The following KCND3 variants were observed in gnomAD, a reference collection of about 807,000 sequenced individuals.
KCND3 encodes the protein A-type voltage-gated potassium channel KCND3.
In KCND3, 9 loss-of-function variants were observed where a neutral mutation model predicts 51.1. The ratio of observed to expected loss-of-function variants is 0.18; its 90% confidence interval spans 0.11 to 0.31. The LOEUF is 0.31. KCND3 is among the 10% of genes least tolerant of loss of function. The pLI is 1.00. For missense variants in KCND3, 526 were observed against 903.8 expected (o/e 0.58, Z 5.36); for synonymous variants, 349 against 368.0 (o/e 0.95, Z 0.59).
intron 2 of KCND3, among the ~76,000 whole-genome samples, chr1:111,864,815 T>A (rs932635121): frequency 1.3e-5 from 2 of 152,124 alleles, no homozygotes; most frequent in African/African-American, 4.8e-5. Context: ...AACAGAGATT[T>A]CCCAAGGAGT....
intron 2 of KCND3, among the ~76,000 whole-genome samples, chr1:111,800,023 C>T (rs1665230368): frequency 6.6e-6 from 1 of 151,714 alleles, no homozygotes; most frequent in Non-Finnish European, 1.5e-5. Context: ...GCCCGGCCAC[C>T]ACCCCGTCTG....
chr1:111,772,964 T>C lies in KCND3; in HGVS notation c.*3113A>G, dbSNP rs1412770942. The C allele has an allele frequency of 6.6e-6, 1 of 152,244 alleles. No individual in the cohort carries two copies. Among genetic ancestry groups the C allele is most frequent in the Non-Finnish European group, 1.5e-5 (1 of 68,034 alleles). 9.4% of individuals were successfully genotyped at this position (152,244 alleles called of 1,614,324 possible). A position where few individuals can be genotyped will look rare whatever the true frequency, so the allele number is the denominator to read the frequency against. ...CTTATGAAACCAATTCAGCATACTT[T>C]GGACCTTGTGTTTTCTTACAGTACC... On this transcript the variant is annotated 3_prime_UTR_variant, in exon 8 of 8. Coordinates refer to ENST00000302127, the MANE Select transcript of KCND3 (RefSeq NM_001378969.1).
At chr1:111,847,477 G>A (rs1667607298) in intron 2 of KCND3, among the ~76,000 whole-genome samples, 1 of 152,202 alleles carries the variant, frequency 6.6e-6, no homozygotes, top group Non-Finnish European at 1.5e-5. Context: ...AAACACGTCA[G>A]GCAGGGCAGC....
rs189667275 is a variant in KCND3, at chr1:111,842,279, A to G, written c.1107-55173T>C. On this transcript the variant is annotated intron_variant, in intron 2 of 7. Transcript: ENST00000302127. ...AGGCCCCAGCTGTCCAGGCCCCCCA[A>G]CCCACCCTGAGCGGGCCATGCTGCC... 3.0e-3 allele frequency among the ~76,000 whole-genome samples: 463 copies of G among 152,230 alleles called. 5 individuals carry two copies. Among genetic ancestry groups the G allele is most frequent in the African/African-American group, 0.011 (446 of 41,528 alleles).
At position 111,977,048 on chromosome 1, in the gene KCND3, GA is replaced by G. The variant is rs543620584; in HGVS notation, c.1106+4572del. 5.8e-4 allele frequency among the ~76,000 whole-genome samples: 89 copies of G among 152,324 alleles called. 1 individual carries two copies. The highest frequency in any genetic ancestry group is 2.0e-3 in the African/African-American group (85 of 41,578). ...ATGTCAACAGAGAAATGTCAACAAA[GA>G]AAAGGCTTTGAGGTCGTTTGTTCCC... On this transcript the variant is annotated intron_variant, in intron 2 of 7. Coordinates refer to ENST00000302127, the MANE Select transcript of KCND3 (RefSeq NM_001378969.1).
At chr1:111,891,592 T>C (rs72692586) in intron 2 of KCND3, among the ~76,000 whole-genome samples, 12,111 of 152,204 alleles carry the variant, frequency 0.08, 518 homozygotes, top group East Asian at 0.17. Flanking sequence ...TTAAACACTG[T>C]TCTCAGCTGT....
Position 111,981,758 on chromosome 1 carries a change from A to G in KCND3, c.969T>C (p.Phe323=), listed in dbSNP as rs757012715. Residue 323 remains phenylalanine (F), a synonymous_variant, in exon 2 of 8, where the codon TTT becomes TTC. Coordinates refer to ENST00000302127, the MANE Select transcript of KCND3 (RefSeq NM_001378969.1). The surrounding 1 kb of genome is among the most constrained non-coding windows in gnomAD (Gnocchi z 6.2). ...TGGCCATGGTGAGGGAGAAGAGAAGAAAGCCCAGTTCGGAGGCACAGCTCT... is the reference window on the plus strand; with the variant it reads ...TGGCCATGGTGAGGGAGAAGAGAAGGAAGCCCAGTTCGGAGGCACAGCTCT... ...TLKSCASELG[F]LLFSLTMAII... The G allele has an allele frequency of 3.7e-6, 6 of 1,614,150 alleles. No individual in the cohort carries two copies. Among genetic ancestry groups the G allele is most frequent in the Non-Finnish European group, 5.1e-6 (6 of 1,180,028 alleles).
intron 2 of KCND3, among the ~76,000 whole-genome samples, chr1:111,937,435 G>C (rs1298585844): frequency 6.6e-6 from 1 of 152,142 alleles, no homozygotes; most frequent in Non-Finnish European, 1.5e-5. Flanking sequence ...GACTCCCTGG[G>C]GGAAGGTGGG....
intron 1 of KCND3, among the ~76,000 whole-genome samples, chr1:111,985,638 C>G (rs1675233176): frequency 1.3e-5 from 2 of 152,178 alleles, no homozygotes; most frequent in Non-Finnish European, 1.5e-5. Context: ...GGTGAGCGTT[C>G]TTTCTCCAGA....
At chr1:111,911,596 T>A (rs1001014175) in intron 2 of KCND3, among the ~76,000 whole-genome samples, 3 of 152,206 alleles carry the variant, frequency 2.0e-5, no homozygotes, top group Non-Finnish European at 4.4e-5. Flanking sequence ...TGAAGACTGT[T>A]GACCAGGGCT....
chr1:111,873,147 C>T (rs1668901159), intron 2 of KCND3, among the ~76,000 whole-genome samples: 1 of 152,212 alleles, frequency 6.6e-6, no homozygotes, highest in African/African-American at 2.4e-5. Context: ...TGGCCTGGGC[C>T]ACCTACCCGA....
At chr1:111,972,196 G>A (rs1370680787) in intron 2 of KCND3, among the ~76,000 whole-genome samples, 10 of 134,436 alleles carry the variant, frequency 7.4e-5, no homozygotes, top group South Asian at 2.4e-4. Flanking sequence ...TTTTTGAGAC[G>A]GAGTCTCGCT....
chr1:111,815,883 TC>T (rs898389148), intron 2 of KCND3, among the ~76,000 whole-genome samples: 12 of 151,198 alleles, frequency 7.9e-5, no homozygotes, highest in Admixed American at 4.0e-4. Flanking sequence ...TCCTGGATGT[TC>T]CCCCCCCACA....
chr1:111,859,408 C>T (rs1046418003), intron 2 of KCND3, among the ~76,000 whole-genome samples: 1 of 152,208 alleles, frequency 6.6e-6, no homozygotes, highest in Non-Finnish European at 1.5e-5. Context: ...GATGGGATGA[C>T]TTCACAAAGC....
intron 2 of KCND3, among the ~76,000 whole-genome samples, chr1:111,974,215 TG>T (rs1317073500): frequency 6.6e-6 from 1 of 152,208 alleles, no homozygotes; most frequent in African/African-American, 2.4e-5. Flanking sequence ...GAACTTGTTC[TG>T]GAGGTTGTGG....
intron 2 of KCND3, among the ~76,000 whole-genome samples, chr1:111,903,342 G>A (rs1247636080): frequency 3.3e-5 from 5 of 152,218 alleles, no homozygotes; most frequent in African/African-American, 7.2e-5. Context: ...CATTCAACAC[G>A]GATGTAGTGG....
In KCND3 at chr1:111,773,222, G is replaced by A. The variant is rs1364232980; in HGVS notation, c.*2855C>T. ...TTGATTAGGACCAATAAAAAAACAT[G>A]GGAAATTGCTTGGGACATGATATTT... is the stretch of plus-strand genomic sequence containing the variant. On this transcript the variant is annotated 3_prime_UTR_variant, in exon 8 of 8. Coordinates refer to ENST00000302127, the MANE Select transcript of KCND3 (RefSeq NM_001378969.1). The A allele has an allele frequency of 2.0e-5, 3 of 152,036 alleles. No individual in the cohort carries two copies. Among genetic ancestry groups the A allele is most frequent in the Non-Finnish European group, 4.4e-5 (3 of 68,002 alleles). The allele number at this position is 152,036 out of a possible 1,614,324, so 9.4% of individuals were successfully genotyped here.
intron 2 of KCND3, among the ~76,000 whole-genome samples, chr1:111,881,416 C>A (rs1474548546): frequency 6.6e-6 from 1 of 152,202 alleles, no homozygotes; most frequent in East Asian, 1.9e-4. Flanking sequence ...GGCACAAGTC[C>A]CAACAGCTGC....
intron 2 of KCND3, among the ~76,000 whole-genome samples, chr1:111,961,263 C>T (rs1209352373): frequency 6.6e-6 from 1 of 152,238 alleles, no homozygotes; most frequent in Non-Finnish European, 1.5e-5. Context: ...GGCCATTGTG[C>T]TCTGAGCAGC....
Sources: gnomAD v4.1 joint callset for allele counts (sites outside exome capture counted in the v4.1 genomes callset) on GRCh38, gnomAD v4.1.1 for gene constraint, Gnocchi (gnomAD v3.1) non-coding constraint, MANE v1.5 for transcripts, NCBI Gene and HGNC (gene_info 2026-07-23, HGNC 2026-07-21) for gene names.